The following UBE2R2 variants were observed in gnomAD, a reference collection of about 807,000 sequenced individuals.
UBE2R2 encodes the protein ubiquitin conjugating enzyme E2 R2, also known as ubiquitin-conjugating enzyme E2 R2.
A neutral mutation model predicts 27.8 loss-of-function variants in UBE2R2; 1 was observed. The observed-to-expected ratio is 0.04, with a 90% CI of 0.01 to 0.17. The LOEUF is 0.17. UBE2R2 is among the 10% of genes least tolerant of loss of function. The pLI, the probability that UBE2R2 is intolerant of heterozygous loss-of-function variation, is 1.00. For synonymous variants in UBE2R2, 106 were observed against 113.3 expected, an observed-to-expected ratio of 0.94 and a Z score of 0.41; for missense variants, 100 against 291.0, an observed-to-expected ratio of 0.34 and a Z score of 4.78.
intron 3 of UBE2R2, among the ~76,000 whole-genome samples, chr9:33,901,888 T>C (rs896777451): frequency 6.6e-6 from 1 of 151,648 alleles, no homozygotes; most frequent in Admixed American, 6.6e-5. Context: ...CCATCATCCC[T>C]CTGAATGTTT....
chr9:33,877,720 A>T (rs1202016391), intron 1 of UBE2R2, among the ~76,000 whole-genome samples: 1 of 152,106 alleles, frequency 6.6e-6, no homozygotes, highest in Non-Finnish European at 1.5e-5. Flanking sequence ...TAGTATTATA[A>T]TCTAAGGGCA....
At chr9:33,821,462 C>A (rs1432136520) in intron 1 of UBE2R2, among the ~76,000 whole-genome samples, 1 of 152,072 alleles carries the variant, frequency 6.6e-6, no homozygotes, top group Admixed American at 6.6e-5. Context: ...CCGGCTGGAA[C>A]TATCTTTTCA....
chr9:33,853,588 C>G (rs894508869), intron 1 of UBE2R2, among the ~76,000 whole-genome samples: 1 of 151,648 alleles, frequency 6.6e-6, no homozygotes, highest in Admixed American at 6.6e-5. Context: ...CCCAGCCTAT[C>G]TTTTCTATTT....
chr9:33,854,887 T>C (rs1165172065), intron 1 of UBE2R2, among the ~76,000 whole-genome samples: 3 of 151,962 alleles, frequency 2.0e-5, no homozygotes, highest in Non-Finnish European at 4.4e-5. Flanking sequence ...CACATTTTTT[T>C]ATTTTTTGTA....
chr9:33,871,677 A>G (rs187963981), intron 1 of UBE2R2, among the ~76,000 whole-genome samples: 1 of 152,274 alleles, frequency 6.6e-6, no homozygotes, highest in Admixed American at 6.5e-5. Flanking sequence ...CTTCTGTAAC[A>G]ATTGCTTCTA....
intron 2 of UBE2R2, among the ~76,000 whole-genome samples, chr9:33,890,551 C>T (rs1821957325): frequency 1.3e-5 from 2 of 151,366 alleles, no homozygotes; most frequent in South Asian, 2.1e-4. Flanking sequence ...GTGGCTCACG[C>T]CTGTAGTCCC....
At chr9:33,825,356 T>A (rs550122881) in intron 1 of UBE2R2, among the ~76,000 whole-genome samples, 1 of 149,340 alleles carries the variant, frequency 6.7e-6, no homozygotes, top group East Asian at 2.0e-4. Flanking sequence ...ATTCTCCTCC[T>A]CAGCTTCCCG....
rs1035103484 is a variant in UBE2R2, at chr9:33,918,642, G to A, written c.*1405G>A. 6.6e-6 allele frequency: 1 copy of A among 152,408 alleles called. No homozygotes were observed. Among genetic ancestry groups the A allele is most frequent in the South Asian group, 2.1e-4 (1 of 4,828 alleles). The allele number at this position is 152,408 out of a possible 1,614,324, so 9.4% of individuals were successfully genotyped here. A position where few individuals can be genotyped will look rare whatever the true frequency, so the allele number is the denominator to read the frequency against. On this transcript the variant is annotated 3_prime_UTR_variant, in exon 5 of 5. Transcript: ENST00000263228. ...TGAAGGTAATTTTTGGTTGTTATGG[G>A]GGTGCACCAGATCATAGGAGGGCAT...
chr9:33,912,681 T>C (rs546933242), intron 4 of UBE2R2, among the ~76,000 whole-genome samples: 55 of 151,788 alleles, frequency 3.6e-4, no homozygotes, highest in Admixed American at 6.6e-4. Flanking sequence ...TTCCTGACCA[T>C]AGCAGCAAGG....
At chr9:33,881,826 C>T (rs1821737240) in intron 1 of UBE2R2, among the ~76,000 whole-genome samples, 1 of 152,130 alleles carries the variant, frequency 6.6e-6, no homozygotes, top group Admixed American at 6.5e-5. Context: ...TGCCAGATTT[C>T]TCTACGGTAG....
At chr9:33,906,093 TGTC>T (rs1197532770) in intron 3 of UBE2R2, among the ~76,000 whole-genome samples, 22 of 149,250 alleles carry the variant, frequency 1.5e-4, no homozygotes, top group Non-Finnish European at 2.1e-4. Flanking sequence ...TTGTTGTTGT[TGTC>T]GTCGTCGTCG....
chr9:33,871,465 G>C (rs1266337477), intron 1 of UBE2R2, among the ~76,000 whole-genome samples: 1 of 152,218 alleles, frequency 6.6e-6, no homozygotes, highest in African/African-American at 2.4e-5. Flanking sequence ...GGATATGCTT[G>C]TGAGTGGTTC....
intron 1 of UBE2R2, among the ~76,000 whole-genome samples, chr9:33,854,358 C>A (rs1023115213): frequency 1.3e-5 from 2 of 150,990 alleles, no homozygotes; most frequent in African/African-American, 4.9e-5. Context: ...TCACTCTTGT[C>A]GTCCAGGCTG....
chr9:33,839,632 G>A (rs1277869997), intron 1 of UBE2R2, among the ~76,000 whole-genome samples: 1 of 152,152 alleles, frequency 6.6e-6, no homozygotes, highest in Non-Finnish European at 1.5e-5. Flanking sequence ...TATGAAGAAT[G>A]GGCCCTTACT....
At chr9:33,863,924 T>C (rs1005299661) in intron 1 of UBE2R2, among the ~76,000 whole-genome samples, 10 of 152,144 alleles carry the variant, frequency 6.6e-5, no homozygotes, top group African/African-American at 2.4e-4. Context: ...AGGTTCAAGC[T>C]ATTCTCATGC....
intron 1 of UBE2R2, among the ~76,000 whole-genome samples, chr9:33,883,186 G>A (rs1288091317): frequency 1.3e-5 from 2 of 152,230 alleles, no homozygotes; most frequent in African/African-American, 4.8e-5. Context: ...GTGAATGCAA[G>A]GTTATGAAGA....
At chr9:33,885,355 C>T (rs1296130113) in intron 1 of UBE2R2, among the ~76,000 whole-genome samples, 2 of 152,144 alleles carry the variant, frequency 1.3e-5, no homozygotes, top group Non-Finnish European at 2.9e-5. Flanking sequence ...TTTGGTTAGT[C>T]TGTTTTGTAT....
Position 33,918,156 on chromosome 9 carries a change from C to G in UBE2R2, c.*919C>G, listed in dbSNP as rs1017727733. ...GGAAAAAGTTGAAACTACTGGTGAC[C>G]ACTGTTGGGAGAGGAAACATCTGTT... On this transcript the variant is annotated 3_prime_UTR_variant, in exon 5 of 5. Transcript: ENST00000263228. 6.5e-6 allele frequency: 1 copy of G among 152,698 alleles called. No individual in the cohort carries two copies. Among genetic ancestry groups the G allele is most frequent in the Non-Finnish European group, 1.5e-5 (1 of 68,012 alleles). The allele number at this position is 152,698 out of a possible 1,614,324, so 9.5% of individuals were successfully genotyped here. A position where few individuals can be genotyped will look rare whatever the true frequency, so the allele number is the denominator to read the frequency against.
At chr9:33,820,687 C>G (rs545292446) in intron 1 of UBE2R2, among the ~76,000 whole-genome samples, 36 of 152,306 alleles carry the variant, frequency 2.4e-4, no homozygotes, top group African/African-American at 8.7e-4. Context: ...AATTTATTTT[C>G]AAGTTAAACT....
Sources: allele counts gnomAD v4.1 joint callset (sites outside exome capture counted in the v4.1 genomes callset), GRCh38; gene constraint gnomAD v4.1.1; transcripts MANE v1.5; gene names NCBI Gene and HGNC (gene_info 2026-07-23, HGNC 2026-07-21).